VPS45: variants seen among roughly 807,000 people sequenced by gnomAD.
VPS45 encodes vacuolar protein sorting-associated protein 45.
Under a neutral mutation model 75.9 loss-of-function variants are expected in VPS45, and 35 were observed. The observed-to-expected ratio is 0.46, with a 90% CI of 0.35 to 0.61. The LOEUF is 0.61. VPS45 is among the 20% of genes least tolerant of loss of function. The pLI is 0.00. For synonymous variants in VPS45, 220 were observed against 238.2 expected (o/e 0.92, Z 0.70); for missense variants, 559 against 685.9 (o/e 0.81, Z 2.07).
intron 13 of VPS45, among the ~76,000 whole-genome samples, chr1:150,100,379 A>G (rs1553803992): frequency 6.6e-6 from 1 of 152,242 alleles, no homozygotes. Flanking sequence ...GATAGGAAGA[A>G]TCAATATCAT....
In VPS45 at chr1:150,092,313, A is replaced by G. The variant is rs1553802095; in HGVS notation, c.1275A>G (p.Ala425=). The G allele has an allele frequency of 6.2e-7, 1 of 1,614,044 alleles. No homozygotes were observed. Among genetic ancestry groups the G allele is most frequent in the Admixed American group, 1.7e-5 (1 of 60,010 alleles). Reference sequence around the variant, plus strand: ...CTCTTTCTTAATAGCTCGTGTCTGCAGTTGTTGAATATGGTGGTAAACGAG... The same window carrying G: ...CTCTTTCTTAATAGCTCGTGTCTGCGGTTGTTGAATATGGTGGTAAACGAG... The part of the protein sequence containing the change: ...VSEKYRKLVS[A]VVEYGGKRVR... Residue 425 remains alanine, a synonymous_variant, in exon 12 of 15, where the codon GCA becomes GCG. Transcript: ENST00000644510.
chr1:150,094,676 G>A (rs1370028550), intron 13 of VPS45, among the ~76,000 whole-genome samples: 2 of 152,176 alleles, frequency 1.3e-5, no homozygotes, highest in African/African-American at 2.4e-5. Context: ...CAGCTAAGTG[G>A]GAAGAATGAA....
intron 14 of VPS45, among the ~76,000 whole-genome samples, chr1:150,129,952 A>G (rs1451538096): frequency 1.3e-5 from 2 of 151,786 alleles, no homozygotes; most frequent in African/African-American, 4.8e-5. Context: ...CTTGGGCTCA[A>G]GCAGTCCTCC....
chr1:150,133,083 A>G (rs1553812717), intron 14 of VPS45, among the ~76,000 whole-genome samples: 1 of 152,232 alleles, frequency 6.6e-6, no homozygotes, highest in African/African-American at 2.4e-5. Context: ...GCAGAATTAT[A>G]TTATTATTCC....
At chr1:150,115,840 A>G (rs1232485895) in intron 14 of VPS45, among the ~76,000 whole-genome samples, 1 of 152,168 alleles carries the variant, frequency 6.6e-6, no homozygotes, top group Non-Finnish European at 1.5e-5. Flanking sequence ...ACCGAGGCCT[A>G]AGCCTTCTTT....
intron 2 of VPS45, among the ~76,000 whole-genome samples, chr1:150,069,703 G>A (rs980690370): frequency 1.3e-5 from 2 of 151,982 alleles, no homozygotes; most frequent in South Asian, 2.1e-4. Context: ...TGATCCGCCC[G>A]CCTTGGCCTC....
At chr1:150,114,345 A>G (rs1657806055) in intron 14 of VPS45, among the ~76,000 whole-genome samples, 2 of 151,700 alleles carry the variant, frequency 1.3e-5, no homozygotes, top group Admixed American at 1.3e-4. Context: ...GTGGTGGCAC[A>G]TGCCTGTAAT....
intron 10 of VPS45, among the ~76,000 whole-genome samples, chr1:150,084,299 A>C (rs1324368715): frequency 2.6e-5 from 4 of 152,272 alleles, no homozygotes; most frequent in South Asian, 2.1e-4. Flanking sequence ...TTATGTAGAA[A>C]GTTGAGGTGA....
chr1:150,136,973 A>G (rs143485733), intron 14 of VPS45, among the ~76,000 whole-genome samples: 3,271 of 152,216 alleles, frequency 0.021, 96 homozygotes, highest in African/African-American at 0.074. Flanking sequence ...ATCTCGGCTC[A>G]CTGCAGCCTC....
intron 13 of VPS45, among the ~76,000 whole-genome samples, chr1:150,104,349 C>A (rs1553805291): frequency 6.6e-6 from 1 of 152,146 alleles, no homozygotes. Flanking sequence ...TGATATCATT[C>A]TTTTTTATGC....
At chr1:150,073,841 C>T (rs1655215931) in intron 3 of VPS45, among the ~76,000 whole-genome samples, 1 of 152,050 alleles carries the variant, frequency 6.6e-6, no homozygotes, top group Non-Finnish European at 1.5e-5. Flanking sequence ...ACCCCAACCC[C>T]CTCATTAACC....
At chr1:150,126,055 C>A (rs147286419) in intron 14 of VPS45, among the ~76,000 whole-genome samples, 11 of 152,130 alleles carry the variant, frequency 7.2e-5, no homozygotes, top group African/African-American at 2.7e-4. Flanking sequence ...TGGTCCCCAT[C>A]TCGGTGGGGA....
At chr1:150,072,731 C>T (rs187917372) in intron 3 of VPS45, among the ~76,000 whole-genome samples, 15 of 150,072 alleles carry the variant, frequency 1.0e-4, no homozygotes, top group African/African-American at 3.4e-4. Context: ...TCTTTGATTG[C>T]TTAAATTAAA....
chr1:150,129,291 G>A (rs928574650), intron 14 of VPS45, among the ~76,000 whole-genome samples: 16 of 152,020 alleles, frequency 1.1e-4, no homozygotes, highest in Non-Finnish European at 7.4e-5. Context: ...TTCAAATTTA[G>A]GCATGTCCCT....
Position 150,124,284 on chromosome 1 carries a change from C to T in VPS45, c.1625+13657C>T, listed in dbSNP as rs782492613. On this transcript the variant is annotated intron_variant, in intron 14 of 14. Transcript: ENST00000644510. ...GACCAGCCTGGCCAACGTAGTGAAA[C>T]CCCATCGCTACTAAAAATACAAAAA... Among the ~76,000 whole-genome samples the T allele has an allele frequency of 2.0e-5, 3 of 151,964 alleles. No homozygotes were observed. The South Asian group carries it at 6.2e-4, about 32-fold the overall frequency.
chr1:150,076,772 C>G (rs1655408712), intron 4 of VPS45, 144 bp from the exon 5 acceptor site: 1 of 769,334 alleles, frequency 1.3e-6, no homozygotes, highest in African/African-American at 1.8e-5. Context: ...TGTTGTTACC[C>G]AATTATTAAT....
At chr1:150,110,908 GA>G (rs1553807097) in intron 14 of VPS45, among the ~76,000 whole-genome samples, 1 of 152,100 alleles carries the variant, frequency 6.6e-6, no homozygotes, top group Non-Finnish European at 1.5e-5. Flanking sequence ...CAAAAAAGGA[GA>G]AACCCTTGGA....
chr1:150,131,726 G>T (rs1315383747), intron 14 of VPS45, among the ~76,000 whole-genome samples: 4 of 150,304 alleles, frequency 2.7e-5, no homozygotes, highest in Non-Finnish European at 5.9e-5. Flanking sequence ...TGCACCTGTA[G>T]TCCCAGCTAC....
intron 14 of VPS45, among the ~76,000 whole-genome samples, chr1:150,143,233 G>A: frequency 6.6e-6 from 1 of 152,130 alleles, no homozygotes; most frequent in East Asian, 1.9e-4. Context: ...ATGTATTTAT[G>A]TATGTATGTA....
Sources: allele counts gnomAD v4.1 joint callset (sites outside exome capture counted in the v4.1 genomes callset), GRCh38; gene constraint gnomAD v4.1.1; transcripts MANE v1.5; gene names NCBI Gene and HGNC (gene_info 2026-07-23, HGNC 2026-07-21).